The following SLC30A9 variants were observed in gnomAD, a reference collection of about 807,000 sequenced individuals.
SLC30A9 encodes the protein solute carrier family 30 member 9.
SLC30A9 carries 58 observed loss-of-function variants against 87.5 expected under a neutral mutation model. That is an observed-to-expected ratio of 0.66 (90% CI 0.54 to 0.82). The LOEUF (loss-of-function observed/expected upper bound fraction) is 0.82, where lower values mean the gene tolerates loss of function less well. Among genes scored for constraint, SLC30A9 ranks in the 40% least tolerant of loss-of-function variants. The pLI is 0.00. For missense variants in SLC30A9, 557 were observed against 679.1 expected (o/e 0.82, Z 2.00); for synonymous variants, 234 against 233.0 (o/e 1.00, Z -0.04).
intron 9 of SLC30A9, among the ~76,000 whole-genome samples, chr4:42,059,305 A>G (rs934459936): frequency 2.6e-5 from 4 of 152,216 alleles, no homozygotes; most frequent in South Asian, 2.1e-4. Context: ...CTAATAAGGT[A>G]GTCTTATGAT....
intron 7 of SLC30A9, 135 bp downstream of exon 7, chr4:42,035,468 T>C (rs1716641105): frequency 1.0e-6 from 1 of 994,220 alleles, no homozygotes; most frequent in Middle Eastern, 2.9e-4. Context: ...CACTGAATTA[T>C]AGTCAATTCA....
At chr4:42,085,920 C>T (rs1718907879) in intron 17 of SLC30A9, among the ~76,000 whole-genome samples, 162 bp from the exon 18 acceptor site, 1 of 151,110 alleles carries the variant, frequency 6.6e-6, no homozygotes. Context: ...TGTCTATTTA[C>T]CTATTGATCT....
At chr4:42,046,648 C>T (rs576347770) in intron 8 of SLC30A9, among the ~76,000 whole-genome samples, 4 of 152,228 alleles carry the variant, frequency 2.6e-5, no homozygotes, top group African/African-American at 4.8e-5. Context: ...TGAAAATGGC[C>T]GTACTGCGCA....
At position 42,016,594 on chromosome 4, in the gene SLC30A9, A is replaced by T. The variant is rs140246726; in HGVS notation, c.275-1517A>T. Among the ~76,000 whole-genome samples the T allele has an allele frequency of 7.0e-4, 106 of 152,128 alleles. No homozygotes were observed. The East Asian group carries it at 0.02, about 29-fold the overall frequency. Reference sequence around the variant, plus strand: ...AAATTTAGTTGCTAAGATTTATCTTATTGATTGGTGTGTGTGTCTGGTTCA... The same window carrying T: ...AAATTTAGTTGCTAAGATTTATCTTTTTGATTGGTGTGTGTGTCTGGTTCA... On this transcript the variant is annotated intron_variant, in intron 2 of 17. Coordinates refer to ENST00000264451, the MANE Select transcript of SLC30A9 (RefSeq NM_006345.4).
chr4:42,068,748 AGTT>A (rs1378163222), intron 14 of SLC30A9, among the ~76,000 whole-genome samples: 1 of 148,932 alleles, frequency 6.7e-6, no homozygotes, highest in Non-Finnish European at 1.5e-5. Flanking sequence ...TTTAATTCTA[AGTT>A]GTTTGTGTCC....
intron 14 of SLC30A9, among the ~76,000 whole-genome samples, chr4:42,069,649 A>T (rs1169387904): frequency 6.6e-6 from 1 of 152,240 alleles, no homozygotes; most frequent in East Asian, 1.9e-4. Flanking sequence ...GGATAAAAAG[A>T]CTTGTAGTCA....
intron 1 of SLC30A9, among the ~76,000 whole-genome samples, chr4:42,000,429 A>T (rs1329927404): frequency 1.3e-5 from 2 of 152,038 alleles, no homozygotes; most frequent in Non-Finnish European, 2.9e-5. Context: ...AATGTGTAGG[A>T]ATCTTCTGCT....
intron 8 of SLC30A9, among the ~76,000 whole-genome samples, chr4:42,045,077 T>G (rs1281224077): frequency 2.0e-5 from 3 of 152,142 alleles, no homozygotes; most frequent in Non-Finnish European, 4.4e-5. Context: ...TAGAGGGAAA[T>G]TTATAGCACT....
intron 1 of SLC30A9, among the ~76,000 whole-genome samples, chr4:41,997,062 A>G (rs1017085051): frequency 1.3e-5 from 2 of 151,138 alleles, no homozygotes; most frequent in African/African-American, 4.8e-5. Context: ...ATAAATAAAT[A>G]AAAATGAAAA....
chr4:42,022,787 A>G, intron 4 of SLC30A9, 51 bp from the exon 5 acceptor site: 1 of 1,058,858 alleles, frequency 9.4e-7, no homozygotes, highest in Non-Finnish European at 1.4e-6. Context: ...CTTTAAGTAT[A>G]TAAACTATAT....
chr4:42,011,791 A>G (rs1457216825), intron 2 of SLC30A9, among the ~76,000 whole-genome samples: 2 of 152,230 alleles, frequency 1.3e-5, no homozygotes, highest in African/African-American at 4.8e-5. Context: ...GGAATTTTGA[A>G]ACACAAACTT....
At position 42,014,283 on chromosome 4, in the gene SLC30A9, G is replaced by A. The variant is rs1715598981; in HGVS notation, c.275-3828G>A. On this transcript the variant is annotated intron_variant, in intron 2 of 17. Coordinates refer to ENST00000264451, the MANE Select transcript of SLC30A9 (RefSeq NM_006345.4). Reference sequence around the variant, plus strand: ...AGGGAACCCTTGTACATTGTTGGTGGGAATGTAAATTAGTGCAGCTACTAT... The same window carrying A: ...AGGGAACCCTTGTACATTGTTGGTGAGAATGTAAATTAGTGCAGCTACTAT... 3.3e-5 allele frequency among the ~76,000 whole-genome samples: 5 copies of A among 152,286 alleles called. No individual in the cohort carries two copies. In the South Asian group the frequency reaches 1.0e-3, roughly 32 times the overall value.
intron 8 of SLC30A9, among the ~76,000 whole-genome samples, chr4:42,047,280 C>T (rs889786366): frequency 8.6e-5 from 13 of 152,008 alleles, no homozygotes; most frequent in East Asian, 1.9e-4. Flanking sequence ...AACTATTATC[C>T]GAGTGAACAG....
chr4:42,037,734 G>A (rs564965826), intron 7 of SLC30A9, among the ~76,000 whole-genome samples: 1 of 152,088 alleles, frequency 6.6e-6, no homozygotes, highest in South Asian at 2.1e-4. Context: ...TGCTGTCCTG[G>A]TCTTCAAAAA....
At chr4:42,021,165 A>G (rs1473341541) in intron 4 of SLC30A9, among the ~76,000 whole-genome samples, 1 of 152,146 alleles carries the variant, frequency 6.6e-6, no homozygotes, top group Non-Finnish European at 1.5e-5. Flanking sequence ...TTTAACTTTT[A>G]TAACTATTAC....
intron 6 of SLC30A9, among the ~76,000 whole-genome samples, chr4:42,028,264 C>T (rs1401956625): frequency 1.3e-5 from 2 of 152,200 alleles, no homozygotes; most frequent in East Asian, 1.9e-4. Context: ...ATTACAGGTG[C>T]GTGCTACCAT....
At chr4:42,008,157 T>C (rs1715294718) in intron 2 of SLC30A9, among the ~76,000 whole-genome samples, 1 of 152,236 alleles carries the variant, frequency 6.6e-6, no homozygotes, top group African/African-American at 2.4e-5. Flanking sequence ...CTTGTTGTTA[T>C]AGGGCCTTTG....
chr4:42,038,945 A>C (rs1382697636), intron 7 of SLC30A9, 41 bp from the exon 8 acceptor site: 2 of 1,528,016 alleles, frequency 1.3e-6, no homozygotes, highest in Admixed American at 3.3e-5. Context: ...CTTCTCTGCA[A>C]AATTTTGGAG....
At chr4:42,081,963 A>G (rs987928706) in intron 17 of SLC30A9, among the ~76,000 whole-genome samples, 17 of 152,164 alleles carry the variant, frequency 1.1e-4, no homozygotes, top group Non-Finnish European at 2.2e-4. Flanking sequence ...CATGCCTGTA[A>G]TCCCAGCACT....
Sources: allele counts gnomAD v4.1 joint callset (sites outside exome capture counted in the v4.1 genomes callset), GRCh38; gene constraint gnomAD v4.1.1; transcripts MANE v1.5; gene names NCBI Gene and HGNC (gene_info 2026-07-23, HGNC 2026-07-21).